Variants in ISM1 observed in about 807,000 individuals in gnomAD.
ISM1 encodes isthmin-1.
In ISM1, 25 loss-of-function variants were observed where a neutral mutation model predicts 46.3. That is an observed-to-expected ratio of 0.54 (90% CI 0.39 to 0.75). The LOEUF is 0.75. Ranked by LOEUF, ISM1 falls within the 30% of genes least tolerant of loss-of-function variation. The pLI, the probability that ISM1 is intolerant of heterozygous loss-of-function variation, is 0.00. For missense variants in ISM1, 536 were observed against 625.4 expected (o/e 0.86, Z 1.52); for synonymous variants, 255 against 256.7 (o/e 0.99, Z 0.06).
At chr20:13,231,677 A>G (rs1385285611) in intron 1 of ISM1, among the ~76,000 whole-genome samples, 1 of 152,146 alleles carries the variant, frequency 6.6e-6, no homozygotes, top group African/African-American at 2.4e-5. Context: ...AAACCCAATC[A>G]TCTTGCACAG....
chr20:13,239,184 T>C (rs192363803), intron 1 of ISM1: 1 of 152,180 alleles, frequency 6.6e-6, no homozygotes, highest in Non-Finnish European at 1.5e-5. Flanking sequence ...ATAGAAATAA[T>C]GAAAGGCAAG....
chr20:13,319,100 G>C, the ISM1 span, among the ~76,000 whole-genome samples: 85 of 152,286 alleles, frequency 5.6e-4, no homozygotes, highest in African/African-American at 1.8e-3. Context: ...TAGTCAGAGA[G>C]AGTATGTCTC....
At position 13,270,520 on chromosome 20, in the gene ISM1, G is replaced by T. The variant is rs1281606121; in HGVS notation, c.155G>T (p.Gly52Val). Residue 52 changes from glycine (G) to valine (V), a missense_variant, in exon 2 of 6, where the codon GGA becomes GTA. Coordinates refer to ENST00000262487, the MANE Select transcript of ISM1 (RefSeq NM_080826.2). ...TTGTTTTAGAATAACCTCAACGTGG[G>T]AAGTGACACCACATCAGAAACCAGC... ...QAQLQNNLNV[G>V]SDTTSETSFS... The T allele has an allele frequency of 6.2e-7, 1 of 1,613,302 alleles. No individual in the cohort carries two copies. Among genetic ancestry groups the T allele is most frequent in the African/African-American group, 1.3e-5 (1 of 75,014 alleles).
intron 3 of ISM1, among the ~76,000 whole-genome samples, chr20:13,286,809 A>T (rs1400541504): frequency 2.6e-5 from 4 of 152,236 alleles, no homozygotes; most frequent in African/African-American, 9.6e-5. Context: ...TGTGTGGACT[A>T]CATTCCTGCT....
intron 5 of ISM1, among the ~76,000 whole-genome samples, chr20:13,296,537 G>C (rs1163940410): frequency 6.6e-6 from 1 of 152,206 alleles, no homozygotes; most frequent in Non-Finnish European, 1.5e-5. Context: ...CTTTTATAGA[G>C]AAGTAAATAA....
the ISM1 span, among the ~76,000 whole-genome samples, chr20:13,319,806 G>T: frequency 6.6e-6 from 1 of 152,184 alleles, no homozygotes; most frequent in Non-Finnish European, 1.5e-5. Context: ...TTGTCCCTGG[G>T]CCTGCAGCAG....
At chr20:13,253,810 C>T (rs1258696288) in intron 1 of ISM1, among the ~76,000 whole-genome samples, 2 of 151,724 alleles carry the variant, frequency 1.3e-5, no homozygotes, top group Non-Finnish European at 2.9e-5. Context: ...GTTCAGATAT[C>T]TTAAAATTTA....
intron 3 of ISM1, among the ~76,000 whole-genome samples, chr20:13,282,863 A>G (rs188191386): frequency 7.6e-4 from 116 of 152,252 alleles, no homozygotes; most frequent in African/African-American, 2.6e-3. Context: ...TAGCCCTCCG[A>G]CCACACTTTG....
chr20:13,300,384 A>T lies in ISM1; in HGVS notation c.*925A>T, dbSNP rs2040447667. On this transcript the variant is annotated 3_prime_UTR_variant, in exon 6 of 6. Transcript: ENST00000262487. ...TACTATTTTAACAATTTTTTCATCTACCAATATATCCCCAATAAATAAATA... is the reference window on the plus strand; with the variant it reads ...TACTATTTTAACAATTTTTTCATCTTCCAATATATCCCCAATAAATAAATA... 1 of 152,190 alleles carries T rather than the reference A, an allele frequency of 6.6e-6. No individual in the cohort carries two copies. The highest frequency in any genetic ancestry group is 6.5e-5 in the Admixed American group (1 of 15,284). The allele number at this position is 152,190 out of a possible 1,614,324, so 9.4% of individuals were successfully genotyped here.
In ISM1 at chr20:13,221,380, C is replaced by A. The variant is rs1284096041; in HGVS notation, c.-397C>A. 1.4e-5 allele frequency among the ~76,000 whole-genome samples: 2 copies of A among 147,994 alleles called. No homozygotes were observed. Among genetic ancestry groups the A allele is most frequent in the Non-Finnish European group, 3.0e-5 (2 of 66,130 alleles). On this transcript the variant is annotated 5_prime_UTR_variant, in exon 1 of 6. Transcript: ENST00000262487. ...CGCTCGGGGGCTCGGCTGCGCCCGC[C>A]CCGCCGCCGACCCCGCAGCCCCCTG...
At chr20:13,307,965 T>C in the ISM1 span, among the ~76,000 whole-genome samples, 1 of 152,210 alleles carries the variant, frequency 6.6e-6, no homozygotes, top group Non-Finnish European at 1.5e-5. Flanking sequence ...TCATAGGGCA[T>C]GCACAGCTTT....
At chr20:13,260,920 C>T (rs2039982354) in intron 1 of ISM1, among the ~76,000 whole-genome samples, 2 of 152,192 alleles carry the variant, frequency 1.3e-5, no homozygotes, top group Non-Finnish European at 2.9e-5. Flanking sequence ...CAGTCTCCAT[C>T]TGAGTGACTG....
At chr20:13,277,781 G>A (rs2040197023) in intron 2 of ISM1, among the ~76,000 whole-genome samples, 2 of 152,140 alleles carry the variant, frequency 1.3e-5, no homozygotes, top group Non-Finnish European at 2.9e-5. Context: ...TCCCGTGACA[G>A]AGGAGAAGGG....
chr20:13,318,242 C>T, the ISM1 span, among the ~76,000 whole-genome samples: 1 of 152,076 alleles, frequency 6.6e-6, no homozygotes, highest in Non-Finnish European at 1.5e-5. Context: ...AGATATTTCA[C>T]ATCATATGTC....
At chr20:13,318,004 C>T in the ISM1 span, among the ~76,000 whole-genome samples, 2 of 151,870 alleles carry the variant, frequency 1.3e-5, no homozygotes, top group African/African-American at 4.8e-5. Flanking sequence ...CATGAAAAAA[C>T]AAGCCAAAGA....
At chr20:13,301,198 A>AT (rs368510601), downstream of ISM1, among the ~76,000 whole-genome samples, 111 of 148,932 alleles carry the variant, frequency 7.5e-4, no homozygotes, top group African/African-American at 2.0e-3. Context: ...TCATTTACAC[A>AT]TTTTTTTTTT....
At chr20:13,229,063 T>C (rs192280438) in intron 1 of ISM1, among the ~76,000 whole-genome samples, 1 of 152,100 alleles carries the variant, frequency 6.6e-6, no homozygotes, top group African/African-American at 2.4e-5. Context: ...CTCCCCTTCT[T>C]TTTCTTTCCC....
intron 1 of ISM1, among the ~76,000 whole-genome samples, chr20:13,258,762 G>A (rs190279): frequency 1.3e-5 from 2 of 152,048 alleles, no homozygotes; most frequent in Admixed American, 6.5e-5. Flanking sequence ...TGAAGTGTTC[G>A]AAAGGAGTTT....
At chr20:13,320,492 TA>T in the ISM1 span, among the ~76,000 whole-genome samples, 1 of 152,178 alleles carries the variant, frequency 6.6e-6, no homozygotes, top group Non-Finnish European at 1.5e-5. Flanking sequence ...GGACAGATAT[TA>T]GGTGGCTTTA....
Sources: allele counts gnomAD v4.1 joint callset (sites outside exome capture counted in the v4.1 genomes callset), GRCh38; gene constraint gnomAD v4.1.1; transcripts MANE v1.5; gene names NCBI Gene and HGNC (gene_info 2026-07-23, HGNC 2026-07-21).